HCRTR2: variants seen among roughly 807,000 people sequenced by gnomAD.
HCRTR2 encodes the protein hypocretin receptor 2, also known as orexin receptor type 2.
A neutral mutation model predicts 49.0 loss-of-function variants in HCRTR2; 22 were observed. The observed-to-expected ratio is 0.45, with a 90% CI of 0.32 to 0.64. The LOEUF (loss-of-function observed/expected upper bound fraction) is 0.64. Among genes scored for constraint, HCRTR2 ranks in the 30% least tolerant of loss-of-function variants. The probability of loss-of-function intolerance (pLI) is 0.04; values close to 1 mark genes in which losing one functional copy is unlikely to be tolerated. For missense variants in HCRTR2, 491 were observed against 559.4 expected, an observed-to-expected ratio of 0.88 and a Z score of 1.23; for synonymous variants, 236 against 205.3, an observed-to-expected ratio of 1.15 and a Z score of -1.28.
chr6:55,126,898 T>A (rs1447430959), intron 1 of HCRTR2, among the ~76,000 whole-genome samples: 1 of 152,144 alleles, frequency 6.6e-6, no homozygotes, highest in Non-Finnish European at 1.5e-5. Context: ...GCCTCAGCAA[T>A]GGCAGATACC....
At chr6:55,281,130 C>T (rs546619957) in intron 6 of HCRTR2, among the ~76,000 whole-genome samples, 5 of 152,120 alleles carry the variant, frequency 3.3e-5, no homozygotes, top group African/African-American at 7.2e-5. Context: ...AACTCATTGG[C>T]GATTTCTTTG....
chr6:55,147,608 G>A (rs1764612571), intron 1 of HCRTR2, among the ~76,000 whole-genome samples: 1 of 152,090 alleles, frequency 6.6e-6, no homozygotes, highest in Admixed American at 6.6e-5. Context: ...GGGTCTCTCA[G>A]GTTCAGTACA....
intron 2 of HCRTR2, among the ~76,000 whole-genome samples, chr6:55,250,477 G>T (rs1766528187): frequency 6.6e-6 from 1 of 152,086 alleles, no homozygotes; most frequent in Non-Finnish European, 1.5e-5. Flanking sequence ...GTTTTGGGAT[G>T]GCTGCAGTTG....
At chr6:55,270,282 C>T (rs1234656418) in intron 4 of HCRTR2, among the ~76,000 whole-genome samples, 1 of 152,158 alleles carries the variant, frequency 6.6e-6, no homozygotes, top group Non-Finnish European at 1.5e-5. Flanking sequence ...GTTCCTTCAA[C>T]ATTTTCAAGT....
intron 1 of HCRTR2, among the ~76,000 whole-genome samples, chr6:55,199,642 T>C (rs1765475618): frequency 6.6e-6 from 1 of 152,202 alleles, no homozygotes; most frequent in Non-Finnish European, 1.5e-5. Context: ...TATCTCTAAA[T>C]GTGTTCAACA....
At chr6:55,152,206 T>C (rs1764673101) in intron 1 of HCRTR2, among the ~76,000 whole-genome samples, 1 of 151,996 alleles carries the variant, frequency 6.6e-6, no homozygotes, top group Admixed American at 6.6e-5. Context: ...GTACAAGGCT[T>C]CCCTTTTCTC....
At chr6:55,265,701 G>C (rs1766848213) in intron 4 of HCRTR2, among the ~76,000 whole-genome samples, 1 of 152,014 alleles carries the variant, frequency 6.6e-6, no homozygotes, top group Non-Finnish European at 1.5e-5. Flanking sequence ...TGAATGATCT[G>C]GAATGATACA....
intron 1 of HCRTR2, among the ~76,000 whole-genome samples, chr6:55,239,772 A>T (rs537469560): frequency 0.016 from 1,901 of 121,520 alleles, 22 homozygotes; most frequent in Non-Finnish European, 0.026. Context: ...TAGGCGGTAA[A>T]TTTTTTTTTT....
At chr6:55,111,151 GA>G (rs902795516) in intron 1 of HCRTR2, among the ~76,000 whole-genome samples, 8 of 151,276 alleles carry the variant, frequency 5.3e-5, no homozygotes, top group Non-Finnish European at 1.0e-4. Context: ...AATCAAGATG[GA>G]AATGGATACA....
chr6:55,282,420 C>A lies in HCRTR2; in HGVS notation c.1301C>A (p.Ala434Glu), dbSNP rs752444539. 2.5e-6 allele frequency: 4 copies of A among 1,608,246 alleles called. No homozygotes were observed. The Admixed American group carries it at 6.7e-5, about 27-fold the overall frequency. ...VVLTSISTLP[A>E]ANGAGPLQNW ...CTCACTAGCATAAGCACACTCCCAG[C>A]AGCCAATGGAGCAGGACCACTTCAA... Residue 434 changes from alanine (A) to glutamate (E), a missense_variant, in exon 7 of 7, where the codon GCA becomes GAA. Coordinates refer to ENST00000370862, the MANE Select transcript of HCRTR2 (RefSeq NM_001384272.1).
At chr6:55,262,677 A>C (rs1313772930) in intron 3 of HCRTR2, among the ~76,000 whole-genome samples, 1 of 140,934 alleles carries the variant, frequency 7.1e-6, no homozygotes, top group Non-Finnish European at 1.5e-5. Context: ...TAATATATAA[A>C]ATATATATTA....
chr6:55,183,036 G>A (rs1465453812), intron 1 of HCRTR2, among the ~76,000 whole-genome samples: 1 of 152,200 alleles, frequency 6.6e-6, no homozygotes, highest in Non-Finnish European at 1.5e-5. Flanking sequence ...GACAATAGAG[G>A]CAATTGATAA....
intron 1 of HCRTR2, among the ~76,000 whole-genome samples, chr6:55,116,775 T>A (rs1052928189): frequency 3.9e-4 from 59 of 149,450 alleles, no homozygotes; most frequent in Non-Finnish European, 7.7e-4. Flanking sequence ...TCAAAGGTCA[T>A]AATTATGAAA....
At chr6:55,132,402 G>A (rs1348414251) in intron 1 of HCRTR2, among the ~76,000 whole-genome samples, 2 of 151,814 alleles carry the variant, frequency 1.3e-5, no homozygotes, top group Non-Finnish European at 2.9e-5. Context: ...GGGCAAAGTG[G>A]AAAAGAATGT....
At chr6:55,146,865 C>T (rs1403721230) in intron 1 of HCRTR2, among the ~76,000 whole-genome samples, 1 of 152,092 alleles carries the variant, frequency 6.6e-6, no homozygotes, top group Non-Finnish European at 1.5e-5. Flanking sequence ...TTGGTCTGTG[C>T]ACCATACTTT....
intron 1 of HCRTR2, among the ~76,000 whole-genome samples, chr6:55,123,817 C>T (rs1270072539): frequency 1.3e-5 from 2 of 152,104 alleles, no homozygotes; most frequent in Non-Finnish European, 2.9e-5. Flanking sequence ...TGTAATTGGT[C>T]TATTCAGGGA....
At chr6:55,127,162 C>G (rs989325118) in intron 1 of HCRTR2, among the ~76,000 whole-genome samples, 1 of 152,110 alleles carries the variant, frequency 6.6e-6, no homozygotes, top group African/African-American at 2.4e-5. Context: ...GCCCAAACGG[C>G]CACCAAGTTT....
At chr6:55,143,586 C>T (rs1764538909) in intron 1 of HCRTR2, among the ~76,000 whole-genome samples, 1 of 152,126 alleles carries the variant, frequency 6.6e-6, no homozygotes, top group Non-Finnish European at 1.5e-5. Context: ...AGGATCGCAG[C>T]CAAGCTAATG....
chr6:55,168,626 C>T (rs1023214871), intron 1 of HCRTR2, among the ~76,000 whole-genome samples: 11 of 152,022 alleles, frequency 7.2e-5, no homozygotes, highest in Non-Finnish European at 1.6e-4. Context: ...AGTGCAGTGG[C>T]GTGACCACAG....
Sources: allele counts gnomAD v4.1 joint callset (sites outside exome capture counted in the v4.1 genomes callset), GRCh38; gene constraint gnomAD v4.1.1; transcripts MANE v1.5; gene names NCBI Gene and HGNC (gene_info 2026-07-23, HGNC 2026-07-21).